The following SPICE1 variants were observed in gnomAD, a reference collection of about 807,000 sequenced individuals.
SPICE1 encodes spindle and centriole-associated protein 1.
SPICE1 carries 75 observed loss-of-function variants against 102.7 expected under a neutral mutation model. That is an observed-to-expected ratio of 0.73 (90% confidence interval 0.61 to 0.88). The LOEUF (loss-of-function observed/expected upper bound fraction) is 0.88. SPICE1 is among the 40% of genes least tolerant of loss of function. SPICE1 has a pLI of 0.00. For synonymous variants in SPICE1, 308 were observed against 350.3 expected, an observed-to-expected ratio of 0.88 and a Z score of 1.35; for missense variants, 979 against 1,020.1, an observed-to-expected ratio of 0.96 and a Z score of 0.55.
At chr3:113,493,340 T>C in intron 5 of SPICE1, 28 bp from the exon 6 acceptor site, 1 of 1,566,882 alleles carries the variant, frequency 6.4e-7, no homozygotes, top group Non-Finnish European at 8.8e-7. Flanking sequence ...GTTGTGATGA[T>C]TTGTTTCATT....
intron 12 of SPICE1, among the ~76,000 whole-genome samples, chr3:113,457,604 C>T (rs1331086147): frequency 2.0e-5 from 3 of 152,102 alleles, no homozygotes; most frequent in Non-Finnish European, 4.4e-5. Flanking sequence ...CCATGAAAAG[C>T]GAGCCAGTTA....
At chr3:113,464,710 G>A (rs1467940783) in intron 11 of SPICE1, among the ~76,000 whole-genome samples, 1 of 152,102 alleles carries the variant, frequency 6.6e-6, no homozygotes, top group Non-Finnish European at 1.5e-5. Flanking sequence ...GAATAAAATA[G>A]ACTGTGTACA....
rs1023742477 is a variant in SPICE1, at chr3:113,444,157, C to A, written c.*1150G>T. On this transcript the variant is annotated 3_prime_UTR_variant, in exon 18 of 18. Transcript: ENST00000295872. ...CAGGGAGCAGAGATCATTCAAAAAACAAGTTTAAAATAGAAATAAACATCT... is the reference window on the plus strand; with the variant it reads ...CAGGGAGCAGAGATCATTCAAAAAAAAAGTTTAAAATAGAAATAAACATCT... 6.6e-6 allele frequency: 1 copy of A among 151,892 alleles called. No individual in the cohort carries two copies. The highest frequency in any genetic ancestry group is 6.6e-5 in the Admixed American group (1 of 15,254). 9.4% of individuals were successfully genotyped at this position (151,892 alleles called of 1,614,324 possible).
At chr3:113,478,190 GTGA>G (rs1358785921) in intron 7 of SPICE1, among the ~76,000 whole-genome samples, 1 of 152,078 alleles carries the variant, frequency 6.6e-6, no homozygotes, top group South Asian at 2.1e-4. Flanking sequence ...ATAAAATAAT[GTGA>G]TGAAGTTAAC....
At position 113,469,111 on chromosome 3, in the gene SPICE1, C is replaced by T; in HGVS notation, c.739G>A (p.Gly247Arg). ...AAGGGAAACAAACCTCTTTGCTCCC[C>T]TGATGAAAGAGCAGATGATGGCGTT... is the stretch of plus-strand genomic sequence containing the variant. The part of the protein sequence containing the change: ...PGTPSSALSS[G>R]EQRAALNATN... The change falls in exon 8 of 18, where the codon GGG becomes AGG. Residue 247 changes from glycine to arginine, a missense_variant. Gly to Arg is a moderately radical substitution (Grantham distance 125, BLOSUM62 -2). Coordinates refer to ENST00000295872, the MANE Select transcript of SPICE1 (RefSeq NM_144718.4). 1 of 1,612,910 alleles carries T rather than the reference C, an allele frequency of 6.2e-7. No individual in the cohort carries two copies. The highest frequency in any genetic ancestry group is 8.5e-7 in the Non-Finnish European group (1 of 1,179,590).
chr3:113,468,924 G>A (rs1936128497), intron 8 of SPICE1, 25 bp from the exon 9 acceptor site: 11 of 1,594,418 alleles, frequency 6.9e-6, no homozygotes, highest in Non-Finnish European at 9.4e-6. Context: ...ATTTCCAAAA[G>A]TATCTCAAGT....
In SPICE1 at chr3:113,448,068, A is replaced by C. The variant is rs1935558907; in HGVS notation, c.2396T>G (p.Val799Gly). ...EAPESSKCST[V>G]SPVSGINTRR... ...TGTATTTATCCCGCTGACGGGAGAG[A>C]CAGTACTACATTTTGAGCTTTCTGG... Residue 799 changes from valine (V) to glycine (G), a missense_variant, in exon 16 of 18, where the codon GTC (valine) becomes GGC (glycine). Physicochemically the swap from Val to Gly is moderately radical, Grantham distance 109. Transcript: ENST00000295872. 6.2e-7 allele frequency: 1 copy of C among 1,610,964 alleles called. No homozygotes were observed.
At chr3:113,464,586 T>C (rs560001472) in intron 11 of SPICE1, among the ~76,000 whole-genome samples, 29 of 152,274 alleles carry the variant, frequency 1.9e-4, no homozygotes, top group African/African-American at 7.0e-4. Flanking sequence ...ATTATACATC[T>C]ACATCTAATG....
At chr3:113,480,928 G>GAAAGAAAGAAAGAAAGAAAGAAAGAAAGA (rs1156304219) in intron 7 of SPICE1, among the ~76,000 whole-genome samples, 1 of 140,108 alleles carries the variant, frequency 7.1e-6, no homozygotes, top group African/African-American at 2.8e-5. Flanking sequence ...AAGAAAGAAA[G>GAAAGAAAGAAAGAAAGAAAGAAAGAAAGA]AAAAAAGACC....
rs748284762 is a variant in SPICE1, at chr3:113,506,617, A to C, written c.1-12T>G. ...CTGACAAATGACATCTAGGAATAAT[A>C]ATCACATCAAATTTTTAAAATACAA... On this transcript the variant is annotated splice_polypyrimidine_tract_variant and intron_variant, in intron 1 of 17. Coordinates refer to ENST00000295872, the MANE Select transcript of SPICE1 (RefSeq NM_144718.4). 2 of 1,601,306 alleles carry C rather than the reference A, an allele frequency of 1.2e-6. No homozygotes were observed. The highest frequency in any genetic ancestry group is 1.7e-6 in the Non-Finnish European group (2 of 1,170,600).
intron 1 of SPICE1, among the ~76,000 whole-genome samples, chr3:113,509,825 G>A (rs1037897898): frequency 4.6e-5 from 7 of 152,160 alleles, no homozygotes; most frequent in African/African-American, 1.7e-4. Context: ...CCCTCTTGCT[G>A]TTTTCATGAT....
intron 3 of SPICE1, among the ~76,000 whole-genome samples, chr3:113,501,645 C>T (rs989825233): frequency 2.0e-5 from 3 of 151,834 alleles, no homozygotes; most frequent in Non-Finnish European, 2.9e-5. Context: ...TAGAAATGGC[C>T]GAAAAGTACA....
intron 7 of SPICE1, among the ~76,000 whole-genome samples, chr3:113,484,690 G>A (rs1045327347): frequency 1.8e-4 from 28 of 152,072 alleles, no homozygotes; most frequent in Admixed American, 5.9e-4. Context: ...GTGCGGTTTT[G>A]AGTGAGTTTC....
Position 113,469,205 on chromosome 3 carries a change from C to T in SPICE1, c.645G>A (p.Glu215=). The change falls in exon 8 of 18, where the codon GAG becomes GAA. Residue 215 remains glutamate, a synonymous_variant. Coordinates refer to ENST00000295872, the MANE Select transcript of SPICE1 (RefSeq NM_144718.4). ...FLQQLTEENF[E]LISKLWTDIQ... is the part of the protein sequence containing the mutation. The stretch of plus-strand genomic sequence containing the variant: ...TGTCAGTCCACAACTTACTAATTAA[C>T]TCAAAATTCTCTTCTGTTAGTTGTT... 1 of 1,593,634 alleles carries T rather than the reference C, an allele frequency of 6.3e-7. No homozygotes were observed. The highest frequency in any genetic ancestry group is 8.6e-7 in the Non-Finnish European group (1 of 1,169,150).
At chr3:113,512,267 T>G (rs1937235611) in intron 1 of SPICE1, among the ~76,000 whole-genome samples, 1 of 152,204 alleles carries the variant, frequency 6.6e-6, no homozygotes, top group Admixed American at 6.5e-5. Flanking sequence ...TAAGCTGCTA[T>G]CCCATCTTTG....
chr3:113,511,713 C>T (rs1401898976), intron 1 of SPICE1, among the ~76,000 whole-genome samples: 1 of 152,090 alleles, frequency 6.6e-6, no homozygotes, highest in Non-Finnish European at 1.5e-5. Context: ...ACCACTATGG[C>T]ACACGTTTAC....
In SPICE1 at chr3:113,476,679, T is replaced by C. The variant is rs1483204990; in HGVS notation, c.612-7441A>G. Among the ~76,000 whole-genome samples the C allele has an allele frequency of 2.7e-5, 4 of 150,744 alleles. No homozygotes were observed. In the East Asian group the frequency reaches 7.7e-4, roughly 29 times the overall value. ...TGACAAACTTGAGAAAAACAAGCAATGGGGAAAGGATTCCCTATTTAATAA... is the reference window on the plus strand; with the variant it reads ...TGACAAACTTGAGAAAAACAAGCAACGGGGAAAGGATTCCCTATTTAATAA... On this transcript the variant is annotated intron_variant, in intron 7 of 17. Coordinates refer to ENST00000295872, the MANE Select transcript of SPICE1 (RefSeq NM_144718.4).
rs1935435869 is a variant in SPICE1 at position 113,443,457 on chromosome 3, C to T, written c.*1850G>A. ...TAGACAACTTTCTTCACCTCTAGGGCTCAGCATCCTCATCTGTAAAGGTGC... is the reference window on the plus strand; with the variant it reads ...TAGACAACTTTCTTCACCTCTAGGGTTCAGCATCCTCATCTGTAAAGGTGC... On this transcript the variant is annotated 3_prime_UTR_variant, in exon 18 of 18. Coordinates refer to ENST00000295872, the MANE Select transcript of SPICE1 (RefSeq NM_144718.4). 6.6e-6 allele frequency: 1 copy of T among 152,226 alleles called. No individual in the cohort carries two copies. The highest frequency in any genetic ancestry group is 2.4e-5 in the African/African-American group (1 of 41,442). The allele number at this position is 152,226 out of a possible 1,614,324, so 9.4% of individuals were successfully genotyped here.
chr3:113,453,635 G>A lies in SPICE1; in HGVS notation c.1973C>T (p.Thr658Ile). ...PVLGDGQQLR[T>I]NESLIQRKDI... ...CTTTCTTTGTATTAATGACTCATTT[G>A]TTCTCAGCTGCTGCCCATCTCCCAG... Residue 658 changes from threonine to isoleucine, a missense_variant, in exon 14 of 18, where the codon ACA (threonine) becomes ATA (isoleucine). Coordinates refer to ENST00000295872, the MANE Select transcript of SPICE1 (RefSeq NM_144718.4). The A allele has an allele frequency of 1.9e-6, 3 of 1,614,098 alleles. No homozygotes were observed. The highest frequency in any genetic ancestry group is 2.5e-6 in the Non-Finnish European group (3 of 1,180,022).
Sources: allele counts gnomAD v4.1 joint callset (sites outside exome capture counted in the v4.1 genomes callset), GRCh38; gene constraint gnomAD v4.1.1; transcripts MANE v1.5; gene names NCBI Gene and HGNC (gene_info 2026-07-23, HGNC 2026-07-21).